The following ZDHHC3 variants were observed in gnomAD, a reference collection of about 807,000 sequenced individuals.
ZDHHC3 encodes the protein palmitoyltransferase ZDHHC3.
In ZDHHC3, 9 loss-of-function variants were observed where a neutral mutation model predicts 30.6. That is an observed-to-expected ratio of 0.29 (90% CI 0.18 to 0.51). The LOEUF is 0.51. Ranked by LOEUF, ZDHHC3 falls within the 20% of genes least tolerant of loss-of-function variation. The pLI, the probability that ZDHHC3 is intolerant of heterozygous loss-of-function variation, is 0.97. For missense variants in ZDHHC3, 246 were observed against 384.2 expected (o/e 0.64, Z 3.01); for synonymous variants, 136 against 140.2 (o/e 0.97, Z 0.21).
intron 5 of ZDHHC3, among the ~76,000 whole-genome samples, chr3:44,930,982 CCT>C (rs1701439644): frequency 6.6e-6 from 1 of 152,188 alleles, no homozygotes; most frequent in Non-Finnish European, 1.5e-5. Context: ...TGTTCCAGCC[CCT>C]GTGTCTTTCC....
At chr3:44,941,278 T>C (rs1348193347) in intron 3 of ZDHHC3, among the ~76,000 whole-genome samples, 1 of 152,104 alleles carries the variant, frequency 6.6e-6, no homozygotes, top group Non-Finnish European at 1.5e-5. Context: ...AAGACATCTA[T>C]ACCACATCCT....
At chr3:44,972,731 A>G (rs1705506257) in intron 1 of ZDHHC3, among the ~76,000 whole-genome samples, 1 of 152,116 alleles carries the variant, frequency 6.6e-6, no homozygotes, top group African/African-American at 2.4e-5. Flanking sequence ...TGTCTTGTTC[A>G]TGCAGTAGTT....
At position 44,926,996 on chromosome 3, in the gene ZDHHC3, T is replaced by C. The variant is rs142752155; in HGVS notation, c.742-149A>G. On this transcript the variant is annotated intron_variant, in intron 6 of 6. Coordinates refer to ENST00000424952, the MANE Select transcript of ZDHHC3 (RefSeq NM_001135179.2). Reference sequence around the variant, plus strand: ...CCTAATATATCTTTCTCATAAAAAGTGTTACTAAAAAAATTTCTCCTTTTT... The same window carrying C: ...CCTAATATATCTTTCTCATAAAAAGCGTTACTAAAAAAATTTCTCCTTTTT... 1.8e-3 allele frequency: 2,073 copies of C among 1,183,582 alleles called. 33 individuals carry two copies. In the African/African-American group the frequency reaches 0.028, roughly 16 times the overall value. The allele number at this position is 1,183,582 out of a possible 1,614,324, so 73.3% of individuals were successfully genotyped here. A position where few individuals can be genotyped will look rare whatever the true frequency, so the allele number is the denominator to read the frequency against.
Position 44,918,075 on chromosome 3 carries a change from C to T in ZDHHC3, c.*8614G>A. 1 of 1,305,448 alleles carries T rather than the reference C, an allele frequency of 7.7e-7. No homozygotes were observed. Among genetic ancestry groups the T allele is most frequent in the Non-Finnish European group, 1.0e-6 (1 of 988,974 alleles). 80.9% of individuals were successfully genotyped at this position (1,305,448 alleles called of 1,614,324 possible). On this transcript the variant is annotated 3_prime_UTR_variant, in exon 7 of 7. Coordinates refer to ENST00000424952, the MANE Select transcript of ZDHHC3 (RefSeq NM_001135179.2). ...TCAGGGAGAAGTCCCCACCAAAGGT[C>T]TCCTTTACTGACTGCCAGCTCCCCA...
chr3:44,916,059 A>C lies in ZDHHC3; in HGVS notation c.*10630T>G, dbSNP rs529828861. On this transcript the variant is annotated 3_prime_UTR_variant, in exon 7 of 7. Transcript: ENST00000424952. ...GCCTTTACAGCTGACTCGGGCTCCT[A>C]TGTCGTCATTAATAAATATTAAAGC... 6.6e-6 allele frequency: 1 copy of C among 152,184 alleles called. No individual in the cohort carries two copies. The highest frequency in any genetic ancestry group is 1.5e-5 in the Non-Finnish European group (1 of 68,034). 9.4% of individuals were successfully genotyped at this position (152,184 alleles called of 1,614,324 possible).
intron 2 of ZDHHC3, among the ~76,000 whole-genome samples, chr3:44,957,128 C>T (rs1013893405): frequency 1.3e-5 from 2 of 152,196 alleles, no homozygotes; most frequent in African/African-American, 2.4e-5. Context: ...GAGATGACTT[C>T]TTAGACCACC....
chr3:44,968,212 A>T (rs1390245921), intron 1 of ZDHHC3, among the ~76,000 whole-genome samples: 1 of 152,042 alleles, frequency 6.6e-6, no homozygotes, highest in Non-Finnish European at 1.5e-5. Flanking sequence ...CCTTACACAC[A>T]TTTGAGGGAC....
chr3:44,926,888 T>G (rs752853819), intron 6 of ZDHHC3, 41 bp from the exon 7 acceptor site: 2 of 1,551,392 alleles, frequency 1.3e-6, no homozygotes, highest in Non-Finnish European at 1.7e-6. Context: ...AAGCACTGCA[T>G]TGCTGTGGTT....
intron 4 of ZDHHC3, 53 bp downstream of exon 4, chr3:44,933,835 A>G: frequency 3.3e-6 from 5 of 1,511,242 alleles, no homozygotes; most frequent in Non-Finnish European, 4.6e-6. Flanking sequence ...TCAAAGGAAC[A>G]AAGTGCTCCA....
At position 44,925,776 on chromosome 3, in the gene ZDHHC3, G is replaced by A; in HGVS notation, c.*913C>T. Reference sequence around the variant, plus strand: ...TAAAATGAGAAGGGGATGATGGTGGGGCTGTATGTGTTGGGCACTGGTGCC... The same window carrying A: ...TAAAATGAGAAGGGGATGATGGTGGAGCTGTATGTGTTGGGCACTGGTGCC... On this transcript the variant is annotated 3_prime_UTR_variant, in exon 7 of 7. Coordinates refer to ENST00000424952, the MANE Select transcript of ZDHHC3 (RefSeq NM_001135179.2). 3 of 985,834 alleles carry A rather than the reference G, an allele frequency of 3.0e-6. No homozygotes were observed. Among genetic ancestry groups the A allele is most frequent in the Non-Finnish European group, 2.4e-6 (2 of 829,938 alleles). 61.1% of individuals were successfully genotyped at this position (985,834 alleles called of 1,614,324 possible). A position where few individuals can be genotyped will look rare whatever the true frequency, so the allele number is the denominator to read the frequency against.
At position 44,945,161 on chromosome 3, in the gene ZDHHC3, A is replaced by T. The variant is rs750527321; in HGVS notation, c.431+7T>A. The stretch of plus-strand genomic sequence containing the variant: ...AGAAGAGAGGAGGCGAGCCCCAGTG[A>T]GTGTACCTGCAGTGGTGGGCTCGGT... On this transcript the variant is annotated splice_region_variant and intron_variant, in intron 3 of 6. Coordinates refer to ENST00000424952, the MANE Select transcript of ZDHHC3 (RefSeq NM_001135179.2). 37 of 1,613,756 alleles carry T rather than the reference A, an allele frequency of 2.3e-5. No individual in the cohort carries two copies. In the Admixed American group the frequency reaches 6.2e-4, roughly 27 times the overall value.
At position 44,917,609 on chromosome 3, in the gene ZDHHC3, CCA is replaced by C. The variant is rs1402839510; in HGVS notation, c.*9078_*9079del. The C allele has an allele frequency of 3.7e-6, 1 of 266,944 alleles. No homozygotes were observed. Among genetic ancestry groups the C allele is most frequent in the Admixed American group, 4.9e-5 (1 of 20,312 alleles). 16.5% of individuals were successfully genotyped at this position (266,944 alleles called of 1,614,324 possible). On this transcript the variant is annotated 3_prime_UTR_variant, in exon 7 of 7. Coordinates refer to ENST00000424952, the MANE Select transcript of ZDHHC3 (RefSeq NM_001135179.2). ...GCTGGGCGGAGAATGTGAAAGCCAC[CCA>C]GTCTTGGAGAACGGTTCTTGATGAG...
At chr3:44,957,727 T>A (rs1423542000) in intron 2 of ZDHHC3, among the ~76,000 whole-genome samples, 1 of 152,206 alleles carries the variant, frequency 6.6e-6, no homozygotes, top group Non-Finnish European at 1.5e-5. Context: ...CACCTCTATA[T>A]GTTGATTAAT....
At position 44,921,030 on chromosome 3, in the gene ZDHHC3, A is replaced by C. The variant is rs1331841258; in HGVS notation, c.*5659T>G. 2 of 985,342 alleles carry C rather than the reference A, an allele frequency of 2.0e-6. No homozygotes were observed. Among genetic ancestry groups the C allele is most frequent in the Non-Finnish European group, 2.4e-6 (2 of 829,948 alleles). The allele number at this position is 985,342 out of a possible 1,614,324, so 61.0% of individuals were successfully genotyped here. The stretch of plus-strand genomic sequence containing the variant: ...TTAAGCTTGAGGTTTGCAGAGGAGC[A>C]GTAATAGTAGCTTCAGGCTCAAGAG... On this transcript the variant is annotated 3_prime_UTR_variant, in exon 7 of 7. Coordinates refer to ENST00000424952, the MANE Select transcript of ZDHHC3 (RefSeq NM_001135179.2).
chr3:44,951,858 C>CCTT (rs1559699051), intron 2 of ZDHHC3, among the ~76,000 whole-genome samples: 1 of 152,200 alleles, frequency 6.6e-6, no homozygotes, highest in Non-Finnish European at 1.5e-5. Context: ...TCCTCACTGT[C>CCTT]CTTCTCCCTG....
Position 44,922,302 on chromosome 3 carries a change from C to A in ZDHHC3, c.*4387G>T. Reference sequence around the variant, plus strand: ...CCCTGGCTCTAGACTACTCACCGGCCGCCGCTCCCATCTGGAGGTCCCTTG... The same window carrying A: ...CCCTGGCTCTAGACTACTCACCGGCAGCCGCTCCCATCTGGAGGTCCCTTG... On this transcript the variant is annotated 3_prime_UTR_variant, in exon 7 of 7. Coordinates refer to ENST00000424952, the MANE Select transcript of ZDHHC3 (RefSeq NM_001135179.2). 1 of 985,446 alleles carries A rather than the reference C, an allele frequency of 1.0e-6. No individual in the cohort carries two copies. The highest frequency in any genetic ancestry group is 4.7e-5 in the South Asian group (1 of 21,286). The allele number at this position is 985,446 out of a possible 1,614,324, so 61.0% of individuals were successfully genotyped here.
chr3:44,938,672 G>A (rs1036995473), intron 3 of ZDHHC3, among the ~76,000 whole-genome samples: 1 of 152,208 alleles, frequency 6.6e-6, no homozygotes, highest in South Asian at 2.1e-4. Context: ...AGGGCTGGGC[G>A]TTGGGGCCTT....
intron 6 of ZDHHC3, among the ~76,000 whole-genome samples, chr3:44,928,642 GT>G (rs1208494425): frequency 6.6e-6 from 1 of 152,174 alleles, no homozygotes; most frequent in Non-Finnish European, 1.5e-5. Flanking sequence ...CCTTAGGAAG[GT>G]CAGGAGACAG....
chr3:44,925,635 T>C lies in ZDHHC3; in HGVS notation c.*1054A>G, dbSNP rs921188428. The C allele has an allele frequency of 4.1e-5, 40 of 985,456 alleles. No individual in the cohort carries two copies. Among genetic ancestry groups the C allele is most frequent in the Non-Finnish European group, 4.8e-5 (40 of 829,942 alleles). 61.0% of individuals were successfully genotyped at this position (985,456 alleles called of 1,614,324 possible). A position where few individuals can be genotyped will look rare whatever the true frequency, so the allele number is the denominator to read the frequency against. ...TGGGGACTGTGAGGTAACCCCAGCA[T>C]CATGGTCATCTCCATGCCAGGACAA... On this transcript the variant is annotated 3_prime_UTR_variant, in exon 7 of 7. Coordinates refer to ENST00000424952, the MANE Select transcript of ZDHHC3 (RefSeq NM_001135179.2).
Sources: gnomAD v4.1 joint callset for allele counts (sites outside exome capture counted in the v4.1 genomes callset) on GRCh38, gnomAD v4.1.1 for gene constraint, MANE v1.5 for transcripts, NCBI Gene and HGNC (gene_info 2026-07-23, HGNC 2026-07-21) for gene names.